Variants in MLLT3 observed in about 807,000 individuals in gnomAD.
MLLT3 encodes the protein protein AF-9.
MLLT3 carries 4 observed loss-of-function variants against 53.2 expected under a neutral mutation model. The ratio of observed to expected loss-of-function variants is 0.08; its 90% CI spans 0.04 to 0.17. The LOEUF (loss-of-function observed/expected upper bound fraction) is 0.17, where lower values mean the gene tolerates loss of function less well. Among genes scored for constraint, MLLT3 ranks in the 10% least tolerant of loss-of-function variants. The pLI, the probability that MLLT3 is intolerant of heterozygous loss-of-function variation, is 1.00. For synonymous variants in MLLT3, 283 were observed against 230.6 expected (o/e 1.23, Z -2.06); for missense variants, 569 against 684.0 (o/e 0.83, Z 1.87).
rs151128853 is a variant in MLLT3 at position 20,573,761 on chromosome 9, G to A, written c.193+46893C>T. ...AAAACTGGAACATAATAAAAACAGT[G>A]TTAACAGTAACTAATTATTGAGCTG... On this transcript the variant is annotated intron_variant, in intron 2 of 10. Coordinates refer to ENST00000380338, the MANE Select transcript of MLLT3 (RefSeq NM_004529.4). Among the ~76,000 whole-genome samples, 1,232 of 152,246 alleles carry A rather than the reference G, an allele frequency of 8.1e-3. 12 individuals are homozygous for A. The highest frequency in any genetic ancestry group is 0.011 in the Non-Finnish European group (717 of 68,000).
intron 2 of MLLT3, among the ~76,000 whole-genome samples, chr9:20,510,175 G>A (rs1825495729): frequency 6.6e-6 from 1 of 152,046 alleles, no homozygotes; most frequent in African/African-American, 2.4e-5. Flanking sequence ...AAGAGTTAAT[G>A]TCTTTAAAGA....
intron 2 of MLLT3, among the ~76,000 whole-genome samples, chr9:20,585,785 C>G (rs1484076661): frequency 6.6e-6 from 1 of 152,172 alleles, no homozygotes; most frequent in Non-Finnish European, 1.5e-5. Context: ...AGCATGATCA[C>G]CAGGACTGCT....
intron 5 of MLLT3, among the ~76,000 whole-genome samples, chr9:20,397,420 T>C (rs975008063): frequency 1.5e-4 from 23 of 152,248 alleles, no homozygotes; most frequent in Admixed American, 4.6e-4. Flanking sequence ...CCACCAGCGA[T>C]TGGCAAGAGT....
At chr9:20,440,320 A>G (rs1307970108) in intron 4 of MLLT3, among the ~76,000 whole-genome samples, 1 of 152,100 alleles carries the variant, frequency 6.6e-6, no homozygotes, top group Non-Finnish European at 1.5e-5. Flanking sequence ...GCCACCTACC[A>G]TCTATCCTCA....
chr9:20,353,434 C>T, intron 10 of MLLT3, 91 bp downstream of exon 10: 5 of 1,034,984 alleles, frequency 4.8e-6, no homozygotes, highest in African/African-American at 1.6e-5. Context: ...TAGCGTGGGG[C>T]TGCAGTGGCC....
rs766662073 is a variant in MLLT3, at chr9:20,353,538, T to C, written c.1562A>G (p.His521Arg). Residue 521 changes from histidine to arginine, a missense_variant, in exon 10 of 11, where the codon CAC becomes CGC. By Grantham distance (29) the His-to-Arg change is conservative. Transcript: ENST00000380338. ...AGCATTTCTCACCTGCTGCAGAATG[T>C]GTCTTTCTCTCAATGTCATTAACCT... The part of the protein sequence containing the change: ...HRRLMTLRER[H>R]ILQQIVNLIE... 6.2e-7 allele frequency: 1 copy of C among 1,613,940 alleles called. No individual in the cohort carries two copies. Among genetic ancestry groups the C allele is most frequent in the Non-Finnish European group, 8.5e-7 (1 of 1,179,868 alleles).
chr9:20,570,807 C>A (rs1819513801), intron 2 of MLLT3, among the ~76,000 whole-genome samples: 1 of 144,874 alleles, frequency 6.9e-6, no homozygotes, highest in African/African-American at 2.9e-5. Context: ...TGGATTAAGT[C>A]CCAACAAATT....
rs71334526 is a variant in MLLT3, at chr9:20,343,183, C to CA, written c.*3259dup. On this transcript the variant is annotated 3_prime_UTR_variant, in exon 11 of 11. Transcript: ENST00000380338. ...TAGGTGGGCCTGTAAAAGATATCGGCAAAAAAAAAAAAAAAAAAAAAAAAA... is the reference window on the plus strand; with the variant it reads ...TAGGTGGGCCTGTAAAAGATATCGGCAAAAAAAAAAAAAAAAAAAAAAAAAA... 3,730 of 39,742 alleles carry CA rather than the reference C, an allele frequency of 0.094. 266 individuals are homozygous for CA. The highest frequency in any genetic ancestry group is 0.12 in the Non-Finnish European group (2,981 of 24,300). The allele number at this position is 39,742 out of a possible 1,614,324, so 2.5% of individuals were successfully genotyped here.
chr9:20,572,922 C>G (rs1299314897), intron 2 of MLLT3, among the ~76,000 whole-genome samples: 1 of 152,144 alleles, frequency 6.6e-6, no homozygotes, highest in African/African-American at 2.4e-5. Flanking sequence ...AAAACCTCTC[C>G]TTGCTCAAAG....
At chr9:20,472,278 T>C (rs17831443) in intron 2 of MLLT3, among the ~76,000 whole-genome samples, 7,329 of 152,174 alleles carry the variant, frequency 0.048, 419 homozygotes, top group South Asian at 0.25. Flanking sequence ...ATGTATTTCC[T>C]GGGATAGGTT....
At chr9:20,491,004 C>T (rs1038037786) in intron 2 of MLLT3, among the ~76,000 whole-genome samples, 1 of 152,026 alleles carries the variant, frequency 6.6e-6, no homozygotes, top group African/African-American at 2.4e-5. Context: ...CAGGGAAATA[C>T]TTTCATTTTA....
At position 20,620,509 on chromosome 9, in the gene MLLT3, C is replaced by T; in HGVS notation, c.193+145G>A. 2.2e-6 allele frequency: 1 copy of T among 449,434 alleles called. No individual in the cohort carries two copies. The highest frequency in any genetic ancestry group is 3.3e-6 in the Non-Finnish European group (1 of 305,878). 27.8% of individuals were successfully genotyped at this position (449,434 alleles called of 1,614,324 possible). A position where few individuals can be genotyped will look rare whatever the true frequency, so the allele number is the denominator to read the frequency against. On this transcript the variant is annotated intron_variant, in intron 2 of 10. Transcript: ENST00000380338. The surrounding 1 kb of genome is among the most constrained non-coding windows in gnomAD (Gnocchi z 6.1). ...CGGGCAGGCGGGAGCCGGGACCTGG[C>T]CCGCGCGGCGCCGCGCACCCGGATC...
chr9:20,449,427 T>C (rs571185566), intron 3 of MLLT3, among the ~76,000 whole-genome samples: 1 of 152,298 alleles, frequency 6.6e-6, no homozygotes, highest in African/African-American at 2.4e-5. Flanking sequence ...GTTACTTAAG[T>C]TGACTGAACA....
At chr9:20,526,497 GCTT>G (rs1425149941) in intron 2 of MLLT3, among the ~76,000 whole-genome samples, 2 of 152,132 alleles carry the variant, frequency 1.3e-5, no homozygotes, top group African/African-American at 2.4e-5. Flanking sequence ...TATGTGTATG[GCTT>G]CTTAAGAGTC....
At chr9:20,443,085 T>G (rs1169334840) in intron 4 of MLLT3, among the ~76,000 whole-genome samples, 1 of 151,694 alleles carries the variant, frequency 6.6e-6, no homozygotes, top group East Asian at 1.9e-4. Flanking sequence ...TTGCCCTGTT[T>G]AATTGAGGAA....
chr9:20,459,690 G>A (rs1176844881), intron 2 of MLLT3, among the ~76,000 whole-genome samples: 4 of 152,100 alleles, frequency 2.6e-5, no homozygotes, highest in Non-Finnish European at 5.9e-5. Flanking sequence ...AGCTGTTAAT[G>A]AGCACATCTT....
chr9:20,610,283 G>C lies in MLLT3; in HGVS notation c.193+10371C>G, dbSNP rs375510939. Among the ~76,000 whole-genome samples, 70 of 152,230 alleles carry C rather than the reference G, an allele frequency of 4.6e-4. 2 individuals are homozygous for C. In the South Asian group the frequency reaches 0.014, roughly 31 times the overall value. On this transcript the variant is annotated intron_variant, in intron 2 of 10. Coordinates refer to ENST00000380338, the MANE Select transcript of MLLT3 (RefSeq NM_004529.4). ...AGAGCTGGCCAAGTCCTTCAAGTTT[G>C]TGTCTAGCTTTTCTTTTTAAGCATC...
At chr9:20,471,094 A>G (rs1824379810) in intron 2 of MLLT3, among the ~76,000 whole-genome samples, 1 of 152,032 alleles carries the variant, frequency 6.6e-6, no homozygotes, top group Non-Finnish European at 1.5e-5. Context: ...TTTTTTAAAG[A>G]TGGAATATGA....
At chr9:20,359,145 C>CGAA (rs1305918002) in intron 8 of MLLT3, among the ~76,000 whole-genome samples, 1 of 20,964 alleles carries the variant, frequency 4.8e-5, no homozygotes, top group African/African-American at 1.6e-4. Context: ...AACTCCATCT[C>CGAA]AAAAAAAAAA....
Sources: allele counts gnomAD v4.1 joint callset (sites outside exome capture counted in the v4.1 genomes callset), GRCh38; gene constraint gnomAD v4.1.1; non-coding constraint Gnocchi (gnomAD v3.1); transcripts MANE v1.5; gene names NCBI Gene and HGNC (gene_info 2026-07-23, HGNC 2026-07-21).